Variants in LPAR6 observed in about 807,000 individuals in gnomAD.
The protein encoded by LPAR6 is lysophosphatidic acid receptor 6.
A neutral mutation model predicts 22.0 loss-of-function variants in LPAR6; 17 were observed. The ratio of observed to expected loss-of-function variants is 0.77; its 90% CI spans 0.53 to 1.16. LPAR6 has a LOEUF of 1.16. Ranked by LOEUF, LPAR6 falls within the 50% of genes most tolerant of loss-of-function variation. LPAR6 has a pLI of 0.00. For missense variants in LPAR6, 384 were observed against 406.9 expected (o/e 0.94, Z 0.48); for synonymous variants, 136 against 139.8 (o/e 0.97, Z 0.19).
intron 1 of LPAR6, among the ~76,000 whole-genome samples, chr13:48,398,287 C>G (rs886982120): frequency 6.6e-6 from 1 of 151,964 alleles, no homozygotes; most frequent in Admixed American, 6.6e-5. Flanking sequence ...TCACTCTGAC[C>G]CAATATATTC....
chr13:48,418,294 G>T (rs1216626677), intron 2 of LPAR6, among the ~76,000 whole-genome samples: 1 of 152,098 alleles, frequency 6.6e-6, no homozygotes, highest in African/African-American at 2.4e-5. Context: ...CTTCATAAGT[G>T]AATGAGAAAT....
chr13:48,443,295 G>A (rs1011032757), intron 1 of LPAR6, among the ~76,000 whole-genome samples: 8 of 151,628 alleles, frequency 5.3e-5, no homozygotes, highest in Admixed American at 4.6e-4. Flanking sequence ...TTAATAAAAT[G>A]TTTTAAAGAA....
intron 1 of LPAR6, among the ~76,000 whole-genome samples, chr13:48,395,610 C>G (rs1421157921): frequency 2.0e-5 from 3 of 151,500 alleles, no homozygotes; most frequent in Middle Eastern, 3.2e-3. Flanking sequence ...CTGAATCGAT[C>G]AAGCAGAAAA....
At chr13:48,407,624 A>G (rs1005110117), downstream of LPAR6, among the ~76,000 whole-genome samples, 2 of 152,224 alleles carry the variant, frequency 1.3e-5, no homozygotes, top group Non-Finnish European at 2.9e-5. Context: ...TTGATCATTA[A>G]GTACTCTGGT....
At chr13:48,400,999 C>T (rs1948687118) in intron 1 of LPAR6, among the ~76,000 whole-genome samples, 1 of 152,090 alleles carries the variant, frequency 6.6e-6, no homozygotes, top group Admixed American at 6.6e-5. Context: ...GAAAAGGCAT[C>T]ATGGGACTCC....
At chr13:48,402,308 T>A (rs1032534015) in intron 1 of LPAR6, among the ~76,000 whole-genome samples, 4 of 151,496 alleles carry the variant, frequency 2.6e-5, no homozygotes, top group Non-Finnish European at 4.4e-5. Context: ...GTTTGCACAT[T>A]TCAGTTCCAA....
intron 1 of LPAR6, chr13:48,423,978 T>G (rs142602502): frequency 5.9e-4 from 90 of 152,752 alleles, no homozygotes; most frequent in African/African-American, 2.1e-3. Context: ...TTAAAAAGAA[T>G]TATTCTAAAC....
chr13:48,425,068 T>C (rs969332765), intron 1 of LPAR6, among the ~76,000 whole-genome samples: 1 of 151,002 alleles, frequency 6.6e-6, no homozygotes, highest in South Asian at 2.1e-4. Context: ...AAAAGAAAAA[T>C]AAAAGAATAC....
At chr13:48,428,434 C>T (rs898218034), upstream of LPAR6, among the ~76,000 whole-genome samples, 2 of 150,918 alleles carry the variant, frequency 1.3e-5, no homozygotes, top group Non-Finnish European at 2.9e-5. Flanking sequence ...CATTTCAACA[C>T]GAGTCATCTT....
chr13:48,433,027 C>G (rs1358695944), intron 1 of LPAR6, among the ~76,000 whole-genome samples: 2 of 151,966 alleles, frequency 1.3e-5, no homozygotes, highest in Non-Finnish European at 2.9e-5. Context: ...TAGATAAGAA[C>G]TCTTTCTACT....
At chr13:48,394,249 G>A (rs190791737) in intron 1 of LPAR6, among the ~76,000 whole-genome samples, 11 of 152,274 alleles carry the variant, frequency 7.2e-5, no homozygotes, top group Middle Eastern at 3.4e-3. Flanking sequence ...CACAGTCTTC[G>A]CAACCCACAG....
Position 48,411,621 on chromosome 13 carries a change from G to A in LPAR6, c.803C>T (p.Ala268Val). The A allele has an allele frequency of 1.2e-6, 2 of 1,611,978 alleles. No homozygotes were observed. The highest frequency in any genetic ancestry group is 1.7e-6 in the Non-Finnish European group (2 of 1,178,214). The change falls in exon 1 of 1, where the codon GCA becomes GTA. Residue 268 changes from alanine (A) to valine (V), a missense_variant. Transcript: ENST00000620633. ...AGTGATTGGGTACATTGTCCTTACTGCTGCCACTACTGAGCAATTAACAAA... is the reference window on the plus strand; with the variant it reads ...AGTGATTGGGTACATTGTCCTTACTACTGCCACTACTGAGCAATTAACAAA... ...QTFVNCSVVA[A>V]VRTMYPITLC... is the part of the protein sequence containing the mutation.
At chr13:48,395,607 G>A (rs564839458) in intron 1 of LPAR6, among the ~76,000 whole-genome samples, 2 of 151,014 alleles carry the variant, frequency 1.3e-5, no homozygotes, top group East Asian at 2.0e-4. Context: ...TAGCTGAATC[G>A]ATCAAGCAGA....
At chr13:48,391,045 T>G (rs888116625) in intron 1 of LPAR6, among the ~76,000 whole-genome samples, 19 of 152,324 alleles carry the variant, frequency 1.2e-4, no homozygotes, top group Non-Finnish European at 2.4e-4. Flanking sequence ...CCCTTTCCTC[T>G]TTTTCTGCCT....
At chr13:48,444,120 C>G (rs953826392) in intron 1 of LPAR6, among the ~76,000 whole-genome samples, 1 of 152,124 alleles carries the variant, frequency 6.6e-6, no homozygotes, top group African/African-American at 2.4e-5. Flanking sequence ...CCTCATACCC[C>G]CAGACACCAT....
chr13:48,417,643 G>A (rs1948935928), upstream of LPAR6, among the ~76,000 whole-genome samples: 1 of 152,042 alleles, frequency 6.6e-6, no homozygotes, highest in South Asian at 2.1e-4. Flanking sequence ...CTTGAAAAAA[G>A]GTTAGAGGAA....
intron 1 of LPAR6, among the ~76,000 whole-genome samples, chr13:48,442,760 C>T (rs1461180955): frequency 6.6e-6 from 1 of 152,032 alleles, no homozygotes; most frequent in Non-Finnish European, 1.5e-5. Context: ...AAACCTGGAC[C>T]CAATTTTAGA....
At chr13:48,420,002 A>C (rs1948980737) in intron 2 of LPAR6, among the ~76,000 whole-genome samples, 1 of 152,236 alleles carries the variant, frequency 6.6e-6, no homozygotes, top group South Asian at 2.1e-4. Context: ...TATTCCAAGC[A>C]ATAGAAGAAA....
chr13:48,412,747 T>G lies in LPAR6; in HGVS notation c.-324A>C. On this transcript the variant is annotated 5_prime_UTR_variant, in exon 1 of 1. Transcript: ENST00000620633. The stretch of plus-strand genomic sequence containing the variant: ...AGTCCAACCCATAGGATTATAAATT[T>G]AAAGAAAAGCTGTGATCTGTGACCA... 1 of 355,612 alleles carries G rather than the reference T, an allele frequency of 2.8e-6. No homozygotes were observed. Among genetic ancestry groups the G allele is most frequent in the South Asian group, 3.0e-5 (1 of 33,260 alleles). The allele number at this position is 355,612 out of a possible 1,614,324, so 22.0% of individuals were successfully genotyped here.
Sources: allele counts gnomAD v4.1 joint callset (sites outside exome capture counted in the v4.1 genomes callset), GRCh38; gene constraint gnomAD v4.1.1; transcripts MANE v1.5; gene names NCBI Gene and HGNC (gene_info 2026-07-23, HGNC 2026-07-21).